The following CIROZ variants were observed in gnomAD, a reference collection of about 807,000 sequenced individuals.
CIROZ encodes the protein ciliated left-right organizer ZP-N domains-containing protein.
At chr1:10,957,503 A>G in the CIROZ span, 1 of 1,474,628 alleles carries the variant, frequency 6.8e-7, no homozygotes, top group South Asian at 1.4e-5. Context: ...AAATCTGTCC[A>G]GTCTCGCAGG....
chr1:10,955,133 C>G, the CIROZ span: 3 of 1,613,594 alleles, frequency 1.9e-6, no homozygotes, highest in Non-Finnish European at 2.5e-6. Context: ...TTGACTAGAC[C>G]CAGTCTCTGC....
the CIROZ span, among the ~76,000 whole-genome samples, chr1:10,955,620 A>G: frequency 1.3e-5 from 2 of 152,086 alleles, no homozygotes. Context: ...AGGTGGGTGG[A>G]TTACCTCAGG....
At chr1:10,976,859 G>T in the CIROZ span, among the ~76,000 whole-genome samples, 3 of 152,138 alleles carry the variant, frequency 2.0e-5, no homozygotes, top group Non-Finnish European at 4.4e-5. Flanking sequence ...CTCAAAAAAG[G>T]CAACATAGAT....
the CIROZ span, among the ~76,000 whole-genome samples, chr1:10,975,993 T>TGAA: frequency 2.0e-5 from 3 of 151,994 alleles, no homozygotes; most frequent in Admixed American, 6.6e-5. Flanking sequence ...TGCCGCTTCC[T>TGAA]TGTTGGGAGA....
chr1:10,947,016 C>T, the CIROZ span, among the ~76,000 whole-genome samples: 25 of 152,330 alleles, frequency 1.6e-4, no homozygotes, highest in Admixed American at 3.9e-4. Flanking sequence ...GAATGGCTCT[C>T]GAGTTCTGAG....
At chr1:10,976,109 G>A in the CIROZ span, 5 of 1,489,900 alleles carry the variant, frequency 3.4e-6, no homozygotes, top group Non-Finnish European at 4.5e-6. Context: ...GCTCATTGGG[G>A]AAATATCCAA....
the CIROZ span, among the ~76,000 whole-genome samples, chr1:10,973,795 A>G: frequency 0.023 from 3,428 of 152,208 alleles, 119 homozygotes; most frequent in African/African-American, 0.078. Context: ...GGATGGGGCT[A>G]CAGCTGCCCA....
the CIROZ span, among the ~76,000 whole-genome samples, chr1:10,969,578 C>T: frequency 6.6e-6 from 1 of 152,192 alleles, no homozygotes; most frequent in Non-Finnish European, 1.5e-5. Flanking sequence ...TCTTCCAGGG[C>T]TTTGGGCCAC....
the CIROZ span, among the ~76,000 whole-genome samples, chr1:10,963,041 G>C: frequency 6.6e-6 from 1 of 151,868 alleles, no homozygotes; most frequent in African/African-American, 2.4e-5. Context: ...GATCCCTTAA[G>C]CTCAGGAGGT....
the CIROZ span, among the ~76,000 whole-genome samples, chr1:10,956,186 G>A: frequency 6.6e-6 from 1 of 152,134 alleles, no homozygotes; most frequent in Non-Finnish European, 1.5e-5. Flanking sequence ...TTTGCACACC[G>A]AGTTCTTTGA....
At chr1:10,956,965 C>CAG in the CIROZ span, 243,242 of 1,452,482 alleles carry the variant, frequency 0.17, 25,113 homozygotes, top group South Asian at 0.4. Flanking sequence ...AGGGAGAAAA[C>CAG]AGACCAGAAT....
the CIROZ span, chr1:10,948,130 T>A: frequency 6.2e-7 from 1 of 1,613,256 alleles, no homozygotes; most frequent in Non-Finnish European, 8.5e-7. Context: ...ACACTTGGGG[T>A]GGAGAATGTG....
chr1:10,981,497 G>C, the CIROZ span, among the ~76,000 whole-genome samples: 1 of 150,224 alleles, frequency 6.7e-6, no homozygotes, highest in Non-Finnish European at 1.5e-5. Flanking sequence ...AAAGAGAAAA[G>C]AAAGGAAAGG....
At chr1:10,963,984 T>C in the CIROZ span, 4 of 1,029,300 alleles carry the variant, frequency 3.9e-6, no homozygotes, top group Non-Finnish European at 5.5e-6. Flanking sequence ...AGGAGAACAA[T>C]GCCATACTGC....
chr1:10,956,726 C>T, the CIROZ span, among the ~76,000 whole-genome samples: 1 of 152,086 alleles, frequency 6.6e-6, no homozygotes, highest in Non-Finnish European at 1.5e-5. Context: ...ATCCACCCGC[C>T]GCGGCCTCCC....
At chr1:10,956,708 A>G in the CIROZ span, among the ~76,000 whole-genome samples, 1 of 151,644 alleles carries the variant, frequency 6.6e-6, no homozygotes, top group Non-Finnish European at 1.5e-5. Flanking sequence ...TGATCTCCTG[A>G]CCTCGTAATC....
chr1:10,981,197 C>T, the CIROZ span, among the ~76,000 whole-genome samples: 2 of 152,216 alleles, frequency 1.3e-5, no homozygotes, highest in Non-Finnish European at 2.9e-5. Context: ...GCCCGTAATC[C>T]CAATACTTTG....
chr1:10,980,135 C>T, the CIROZ span, among the ~76,000 whole-genome samples: 11 of 152,264 alleles, frequency 7.2e-5, no homozygotes, highest in East Asian at 7.7e-4. Context: ...GGGCTGCCCT[C>T]GTTGAGCCAT....
the CIROZ span, chr1:10,947,644 C>G: frequency 6.8e-7 from 1 of 1,464,438 alleles, no homozygotes. Flanking sequence ...AGGACTCACC[C>G]TGGAGTCTCC....
Sources: allele counts gnomAD v4.1 joint callset (sites outside exome capture counted in the v4.1 genomes callset), GRCh38; gene constraint gnomAD v4.1.1; transcripts MANE v1.5; gene names NCBI Gene and HGNC (gene_info 2026-07-23, HGNC 2026-07-21).